The following ZNF420 variants were observed in gnomAD, a reference collection of about 807,000 sequenced individuals.
ZNF420 encodes the protein ATM and p53-associated KZNF protein.
A neutral mutation model predicts 44.7 loss-of-function variants in ZNF420; 31 were observed. The ratio of observed to expected loss-of-function variants is 0.69; its 90% CI spans 0.52 to 0.94. The LOEUF is 0.94. ZNF420 is among the 40% of genes least tolerant of loss of function. The pLI, the probability that ZNF420 is intolerant of heterozygous loss-of-function variation, is 0.00. For missense variants in ZNF420, 681 were observed against 827.9 expected, an observed-to-expected ratio of 0.82 and a Z score of 2.18; for synonymous variants, 245 against 267.4, an observed-to-expected ratio of 0.92 and a Z score of 0.82.
intron 4 of ZNF420, among the ~76,000 whole-genome samples, chr19:37,108,941 T>C (rs1163362946): frequency 1.3e-5 from 2 of 152,208 alleles, no homozygotes; most frequent in South Asian, 4.1e-4. Context: ...AACTTCTGTG[T>C]CTTTTGATAC....
intron 1 of ZNF420, among the ~76,000 whole-genome samples, chr19:37,067,915 T>C (rs1428164241): frequency 6.6e-6 from 1 of 152,208 alleles, no homozygotes; most frequent in Non-Finnish European, 1.5e-5. Context: ...TTCCTGCCAA[T>C]GACATTGGCA....
intron 1 of ZNF420, among the ~76,000 whole-genome samples, chr19:37,056,633 G>A (rs952866344): frequency 4.6e-5 from 7 of 152,176 alleles, no homozygotes; most frequent in Non-Finnish European, 1.0e-4. Context: ...ACCACGCCTT[G>A]AGGCCCATGG....
At chr19:37,038,758 GC>G (rs1967401051) in intron 1 of ZNF420, among the ~76,000 whole-genome samples, 1 of 152,118 alleles carries the variant, frequency 6.6e-6, no homozygotes, top group African/African-American at 2.4e-5. Flanking sequence ...TTCGAGACCA[GC>G]CTCACCTACA....
intron 1 of ZNF420, among the ~76,000 whole-genome samples, chr19:37,037,769 G>A (rs1173199712): frequency 6.6e-6 from 1 of 152,204 alleles, no homozygotes; most frequent in African/African-American, 2.4e-5. Context: ...AAAGTGCTGG[G>A]ATTACAGACG....
intron 1 of ZNF420, among the ~76,000 whole-genome samples, chr19:37,014,427 C>A (rs1031465758): frequency 6.6e-6 from 1 of 152,192 alleles, no homozygotes; most frequent in Non-Finnish European, 1.5e-5. Context: ...ACCTTCCAAT[C>A]CGGAATCGGA....
chr19:37,059,342 A>G (rs1001799200), intron 1 of ZNF420, among the ~76,000 whole-genome samples: 8 of 152,196 alleles, frequency 5.3e-5, no homozygotes, highest in Non-Finnish European at 1.2e-4. Context: ...GACTTCTAGG[A>G]GCGGAGCGCG....
intron 4 of ZNF420, among the ~76,000 whole-genome samples, chr19:37,111,307 G>T (rs1334609918): frequency 6.6e-6 from 1 of 152,136 alleles, no homozygotes; most frequent in East Asian, 1.9e-4. Context: ...TTAAGTCTGG[G>T]TCTCCTCTTA....
chr19:37,103,905 GCTA>G (rs1475320223), intron 4 of ZNF420, among the ~76,000 whole-genome samples: 1 of 150,246 alleles, frequency 6.7e-6, no homozygotes, highest in Non-Finnish European at 1.5e-5. Context: ...CCATTTCTTT[GCTA>G]CTTTTTACAG....
intron 1 of ZNF420, among the ~76,000 whole-genome samples, chr19:37,064,921 A>T (rs553037003): frequency 4.6e-5 from 7 of 152,318 alleles, no homozygotes; most frequent in Non-Finnish European, 1.0e-4. Context: ...GAAAAGTGGG[A>T]CCGGACCCAG....
chr19:37,047,757 G>A (rs183723059), intron 1 of ZNF420, among the ~76,000 whole-genome samples: 47 of 152,196 alleles, frequency 3.1e-4, no homozygotes, highest in African/African-American at 1.1e-3. Flanking sequence ...ATTCTCTTAA[G>A]GGTTCAGTTT....
chr19:37,030,854 C>G (rs1213030415), intron 1 of ZNF420, among the ~76,000 whole-genome samples: 1 of 152,044 alleles, frequency 6.6e-6, no homozygotes, highest in Non-Finnish European at 1.5e-5. Flanking sequence ...TTTAATAAGT[C>G]CTCTAAGTCA....
At chr19:37,059,406 C>A (rs1211472139) in intron 1 of ZNF420, among the ~76,000 whole-genome samples, 1 of 152,260 alleles carries the variant, frequency 6.6e-6, no homozygotes, top group Admixed American at 6.5e-5. Context: ...TCACCGTTGT[C>A]TTAGAAACCA....
chr19:37,052,341 G>T (rs1383074052), intron 1 of ZNF420, among the ~76,000 whole-genome samples: 3 of 151,754 alleles, frequency 2.0e-5, no homozygotes, highest in Non-Finnish European at 4.4e-5. Flanking sequence ...TCTTTTAATT[G>T]GAGCATTTAG....
chr19:37,017,003 A>C (rs1354714830), intron 1 of ZNF420, among the ~76,000 whole-genome samples: 4 of 152,236 alleles, frequency 2.6e-5, no homozygotes, highest in Non-Finnish European at 5.9e-5. Context: ...CCAATGGATA[A>C]GTGCAGAATT....
intron 1 of ZNF420, among the ~76,000 whole-genome samples, chr19:37,014,153 A>C (rs2146372536): frequency 6.6e-6 from 1 of 152,258 alleles, no homozygotes. Context: ...GTACTTCTCA[A>C]GCTGTCTTTC....
At chr19:37,126,168 G>T (rs1971336089) in intron 4 of ZNF420, among the ~76,000 whole-genome samples, 1 of 152,096 alleles carries the variant, frequency 6.6e-6, no homozygotes, top group African/African-American at 2.4e-5. Context: ...TTGTATAATT[G>T]CTATCATCTA....
intron 1 of ZNF420, among the ~76,000 whole-genome samples, chr19:37,030,025 A>G (rs2263167): frequency 0.35 from 53,223 of 151,720 alleles, 9,613 homozygotes; most frequent in African/African-American, 0.41. Flanking sequence ...TATTACCTAT[A>G]CTCCTCATGT....
intron 1 of ZNF420, among the ~76,000 whole-genome samples, chr19:37,015,105 G>A (rs923961899): frequency 6.6e-6 from 1 of 152,228 alleles, no homozygotes; most frequent in Non-Finnish European, 1.5e-5. Context: ...GCCTGGCTGT[G>A]TGTTTCTGTG....
chr19:37,115,761 G>T (rs1970645203), intron 4 of ZNF420, among the ~76,000 whole-genome samples: 1 of 151,858 alleles, frequency 6.6e-6, no homozygotes, highest in Non-Finnish European at 1.5e-5. Context: ...TGTTGGGCTG[G>T]GGGGCGGTCA....
Sources: allele counts gnomAD v4.1 joint callset (sites outside exome capture counted in the v4.1 genomes callset), GRCh38; gene constraint gnomAD v4.1.1; transcripts MANE v1.5; gene names NCBI Gene and HGNC (gene_info 2026-07-23, HGNC 2026-07-21).